FBXL17: variants seen among roughly 807,000 people sequenced by gnomAD.
FBXL17 encodes F-box/LRR-repeat protein 17.
A neutral mutation model predicts 66.2 loss-of-function variants in FBXL17; 22 were observed. That is an observed-to-expected ratio of 0.33 (90% CI 0.24 to 0.47). FBXL17 has a LOEUF of 0.47. Among genes scored for constraint, FBXL17 ranks in the 20% least tolerant of loss-of-function variants. The pLI, the probability that FBXL17 is intolerant of heterozygous loss-of-function variation, is 1.00. For synonymous variants in FBXL17, 474 were observed against 400.5 expected (o/e 1.18, Z -2.19); for missense variants, 878 against 948.2 (o/e 0.93, Z 0.97).
chr5:107,935,063 CTT>C (rs779799201), intron 7 of FBXL17, among the ~76,000 whole-genome samples: 14 of 150,922 alleles, frequency 9.3e-5, no homozygotes, highest in Non-Finnish European at 1.8e-4. Context: ...AAGATGGTAT[CTT>C]TTGTTTTTTT....
At chr5:107,867,571 A>C (rs748552723) in intron 8 of FBXL17, among the ~76,000 whole-genome samples, 18 of 152,246 alleles carry the variant, frequency 1.2e-4, no homozygotes, top group Non-Finnish European at 2.9e-5. Flanking sequence ...AGGAGGGCAG[A>C]CCATTTGGAA....
At chr5:108,270,873 A>G (rs551132941) in intron 4 of FBXL17, among the ~76,000 whole-genome samples, 1 of 152,144 alleles carries the variant, frequency 6.6e-6, no homozygotes, top group Admixed American at 6.5e-5. Context: ...AGGGGGGAAA[A>G]CCACATACAC....
chr5:107,924,706 G>A (rs557111860), intron 7 of FBXL17, among the ~76,000 whole-genome samples: 1 of 152,278 alleles, frequency 6.6e-6, no homozygotes, highest in East Asian at 1.9e-4. Context: ...TCTGCCCTAA[G>A]AAGAATCTTA....
chr5:108,096,178 A>G (rs745525777), intron 6 of FBXL17, among the ~76,000 whole-genome samples: 3 of 152,230 alleles, frequency 2.0e-5, no homozygotes, highest in African/African-American at 4.8e-5. Flanking sequence ...TATCCTTTGC[A>G]TATGTACTGA....
At chr5:107,998,120 A>G (rs977393927) in intron 7 of FBXL17, among the ~76,000 whole-genome samples, 5 of 152,238 alleles carry the variant, frequency 3.3e-5, no homozygotes, top group African/African-American at 1.2e-4. Flanking sequence ...ACATTTCATT[A>G]GTATTTTTTA....
intron 7 of FBXL17, among the ~76,000 whole-genome samples, chr5:107,896,203 A>C (rs547629711): frequency 6.6e-5 from 10 of 152,284 alleles, no homozygotes; most frequent in Non-Finnish European, 1.5e-4. Context: ...TATTTCGTTT[A>C]AGAATTATGA....
intron 7 of FBXL17, among the ~76,000 whole-genome samples, chr5:107,982,206 TA>T: frequency 6.6e-6 from 1 of 152,292 alleles, no homozygotes; most frequent in East Asian, 1.9e-4. Flanking sequence ...CTTTAGTACA[TA>T]AATAAATTTT....
intron 4 of FBXL17, chr5:108,299,028 T>C: frequency 2.0e-6 from 2 of 977,382 alleles, no homozygotes; most frequent in African/African-American, 1.7e-5. Context: ...CCAATATGGA[T>C]ACCTCATTTT....
At chr5:108,232,037 G>T (rs1169737095) in intron 4 of FBXL17, among the ~76,000 whole-genome samples, 1 of 152,186 alleles carries the variant, frequency 6.6e-6, no homozygotes, top group Non-Finnish European at 1.5e-5. Context: ...GGTAGCAGAA[G>T]GTAGTCATCA....
intron 7 of FBXL17, among the ~76,000 whole-genome samples, chr5:108,001,477 A>G (rs1753724750): frequency 6.6e-6 from 1 of 152,184 alleles, no homozygotes; most frequent in Non-Finnish European, 1.5e-5. Context: ...CTGAAAATGC[A>G]GAAGGAAAAT....
chr5:108,343,378 A>G (rs1054805030), intron 4 of FBXL17, among the ~76,000 whole-genome samples: 5 of 152,102 alleles, frequency 3.3e-5, no homozygotes, highest in Admixed American at 2.6e-4. Context: ...GCGAGTATAT[A>G]CTCTGGATGA....
At position 107,876,359 on chromosome 5, in the gene FBXL17, T is replaced by TA. The variant is rs112484511; in HGVS notation, c.1965+4677dup. Among the ~76,000 whole-genome samples the TA allele has an allele frequency of 5.8e-4, 88 of 151,370 alleles. 1 individual carries two copies. In the East Asian group the frequency reaches 7.9e-3, roughly 14 times the overall value. ...GTATAAAATTAGTTCTGCATGAAGT[T>TA]AAAAAAAAATAGAAAGTGAAAGGGA... is the stretch of plus-strand genomic sequence containing the variant. On this transcript the variant is annotated intron_variant, in intron 8 of 8. Coordinates refer to ENST00000542267, the MANE Select transcript of FBXL17 (RefSeq NM_001163315.3).
At chr5:107,955,424 C>T (rs1418158705) in intron 7 of FBXL17, among the ~76,000 whole-genome samples, 2 of 152,050 alleles carry the variant, frequency 1.3e-5, no homozygotes, top group Non-Finnish European at 2.9e-5. Flanking sequence ...TTCACTTTAC[C>T]ACAAAGTGAT....
At chr5:107,940,119 A>C (rs916722597) in intron 7 of FBXL17, among the ~76,000 whole-genome samples, 2 of 152,174 alleles carry the variant, frequency 1.3e-5, no homozygotes, top group Non-Finnish European at 2.9e-5. Context: ...TTGACACTAG[A>C]AACATGAAAT....
intron 2 of FBXL17, among the ~76,000 whole-genome samples, chr5:108,366,069 C>A (rs1231522800): frequency 6.6e-6 from 1 of 151,990 alleles, no homozygotes; most frequent in African/African-American, 2.4e-5. Flanking sequence ...GATACCACAG[C>A]GTGTAAGTTT....
intron 6 of FBXL17, among the ~76,000 whole-genome samples, chr5:108,063,842 A>C (rs1252317364): frequency 6.6e-6 from 1 of 152,166 alleles, no homozygotes; most frequent in Non-Finnish European, 1.5e-5. Context: ...GGATGAAAAA[A>C]ACAACAGTGA....
intron 1 of FBXL17, among the ~76,000 whole-genome samples, chr5:108,377,500 T>G (rs1749527895): frequency 6.6e-6 from 1 of 152,260 alleles, no homozygotes; most frequent in Non-Finnish European, 1.5e-5. Flanking sequence ...CAAACTACAA[T>G]TCTTGCCAAA....
intron 6 of FBXL17, among the ~76,000 whole-genome samples, chr5:108,124,390 C>T (rs1235251430): frequency 2.6e-5 from 4 of 151,886 alleles, no homozygotes; most frequent in African/African-American, 7.3e-5. Context: ...ACTTCTGGGC[C>T]TCAGTTTCTT....
chr5:108,034,244 G>C (rs1008819507), intron 6 of FBXL17, among the ~76,000 whole-genome samples: 1 of 152,080 alleles, frequency 6.6e-6, no homozygotes, highest in Non-Finnish European at 1.5e-5. Flanking sequence ...CTAATGAGTT[G>C]AACTGGAAGT....
Sources: allele counts gnomAD v4.1 joint callset (sites outside exome capture counted in the v4.1 genomes callset), GRCh38; gene constraint gnomAD v4.1.1; transcripts MANE v1.5; gene names NCBI Gene and HGNC (gene_info 2026-07-23, HGNC 2026-07-21).